RPS6KA1: variants seen among roughly 807,000 people sequenced by gnomAD.
RPS6KA1 encodes ribosomal protein S6 kinase A1, also known as ribosomal protein S6 kinase alpha-1.
In RPS6KA1, 48 loss-of-function variants were observed where a neutral mutation model predicts 91.3. The observed-to-expected ratio is 0.53, with a 90% CI of 0.42 to 0.67. RPS6KA1 has a LOEUF of 0.67. RPS6KA1 is among the 30% of genes least tolerant of loss of function. The pLI is 0.00. For synonymous variants in RPS6KA1, 359 were observed against 384.7 expected (o/e 0.93, Z 0.78); for missense variants, 719 against 960.5 (o/e 0.75, Z 3.32).
chr1:26,571,975 T>A lies in RPS6KA1; in HGVS notation c.1829+50T>A. 5 of 1,538,048 alleles carry A rather than the reference T, an allele frequency of 3.3e-6. No homozygotes were observed. Among genetic ancestry groups the A allele is most frequent in the Non-Finnish European group, 4.5e-6 (5 of 1,117,450 alleles). On this transcript the variant is annotated intron_variant, in intron 19 of 21. Coordinates refer to ENST00000374168, the MANE Select transcript of RPS6KA1 (RefSeq NM_002953.4). The surrounding 1 kb of genome is among the most constrained non-coding windows in gnomAD (Gnocchi z 5.1). The stretch of plus-strand genomic sequence containing the variant: ...TCCCCACTCCTGCAGCCCTAGCACT[T>A]GGGCTGAGTGGTGCTTGTCTGATAG...
intron 1 of RPS6KA1, 27 bp from the exon 2 acceptor site, chr1:26,536,898 T>C: frequency 6.2e-7 from 1 of 1,613,460 alleles, no homozygotes; most frequent in South Asian, 1.1e-5. Context: ...CTGACAGTGC[T>C]CCCCCAATCT....
intron 11 of RPS6KA1, among the ~76,000 whole-genome samples, chr1:26,556,429 C>G (rs2076102154): frequency 1.3e-5 from 2 of 152,196 alleles, no homozygotes; most frequent in African/African-American, 4.8e-5. Flanking sequence ...CTTCCTCCTC[C>G]CACTGGTACA....
chr1:26,559,014 G>A, intron 14 of RPS6KA1, 77 bp downstream of exon 14: 1 of 1,535,906 alleles, frequency 6.5e-7, no homozygotes, highest in Non-Finnish European at 8.8e-7. Flanking sequence ...GAGTTGGACA[G>A]AACCAGGTTC....
rs375269391 is a variant in RPS6KA1, at chr1:26,558,225, G to T, written c.1085-582G>T. Among the ~76,000 whole-genome samples the T allele has an allele frequency of 2.0e-5, 3 of 152,158 alleles. No individual in the cohort carries two copies. The highest frequency in any genetic ancestry group is 1.3e-4 in the Admixed American group (2 of 15,266). ...GGCAAGGCTTCTCAGAGGAGGGAGC[G>T]TGCGAGTTGAGTCTTGAAGGATAGG... On this transcript the variant is annotated intron_variant, in intron 13 of 21. Coordinates refer to ENST00000374168, the MANE Select transcript of RPS6KA1 (RefSeq NM_002953.4). The surrounding 1 kb of genome is among the most constrained non-coding windows in gnomAD (Gnocchi z 4.0).
intron 17 of RPS6KA1, among the ~76,000 whole-genome samples, chr1:26,567,346 G>T (rs150757341): frequency 6.6e-6 from 1 of 152,052 alleles, no homozygotes; most frequent in Non-Finnish European, 1.5e-5. Flanking sequence ...TGCTGCTTTG[G>T]ACAGCATCTG....
At chr1:26,549,148 A>G (rs1454358362) in intron 4 of RPS6KA1, among the ~76,000 whole-genome samples, 1 of 150,666 alleles carries the variant, frequency 6.6e-6, no homozygotes, top group Non-Finnish European at 1.5e-5. Flanking sequence ...CTTTGGGACT[A>G]TGAGGCTGGA....
chr1:26,556,351 G>A (rs1373954955), intron 11 of RPS6KA1, among the ~76,000 whole-genome samples: 2 of 152,214 alleles, frequency 1.3e-5, no homozygotes, highest in Non-Finnish European at 2.9e-5. Context: ...CTCTCTGTAG[G>A]TCTCAGAACA....
At position 26,571,605 on chromosome 1, in the gene RPS6KA1, C is replaced by T. The variant is rs765241589; in HGVS notation, c.1747C>T (p.Pro583Ser). The T allele has an allele frequency of 1.2e-6, 2 of 1,614,020 alleles. No homozygotes were observed. Among genetic ancestry groups the T allele is most frequent in the South Asian group, 2.2e-5 (2 of 91,052 alleles). Residue 583 changes from proline (P) to serine (S), a missense_variant, in exon 18 of 22, where the codon CCT becomes TCT. By Grantham distance (74) the Pro-to-Ser change is moderately conservative (BLOSUM62 -1). Around this residue, in one of 5 missense-constraint regions of RPS6KA1, gnomAD observed 249 missense variants for 323.1 expected, o/e 0.77. Coordinates refer to ENST00000374168, the MANE Select transcript of RPS6KA1 (RefSeq NM_002953.4). This position sits in a 1 kb window ranked among gnomAD's most constrained non-coding sequence, Gnocchi z 5.1. ...TPCYTANFVA[P>S]EVLKRQGYDE... ...TTGCTACACAGCCAACTTTGTGGCG[C>T]CTGAGGTGAGTGGCCCAGCCTCCTC...
intron 2 of RPS6KA1, among the ~76,000 whole-genome samples, chr1:26,543,870 G>A (rs1426780319): frequency 1.3e-5 from 2 of 152,140 alleles, no homozygotes; most frequent in Admixed American, 6.5e-5. Context: ...CAGTTTTTAG[G>A]ATATGATCAG....
intron 17 of RPS6KA1, among the ~76,000 whole-genome samples, chr1:26,562,849 T>G (rs79563204): frequency 4.1e-5 from 6 of 145,246 alleles, no homozygotes; most frequent in African/African-American, 1.3e-4. Flanking sequence ...TTTTTTTTTT[T>G]TTTGGAGATA....
intron 2 of RPS6KA1, among the ~76,000 whole-genome samples, chr1:26,539,577 G>T (rs2075931308): frequency 6.6e-6 from 1 of 152,252 alleles, no homozygotes; most frequent in Non-Finnish European, 1.5e-5. Context: ...CTGGAAAAGA[G>T]AATGTGGTAC....
Position 26,551,268 on chromosome 1 carries a change from C to A in RPS6KA1, c.308-129C>A. 1.3e-6 allele frequency: 1 copy of A among 754,034 alleles called. No individual in the cohort carries two copies. The highest frequency in any genetic ancestry group is 2.3e-6 in the Non-Finnish European group (1 of 441,600). 46.7% of individuals were successfully genotyped at this position (754,034 alleles called of 1,614,324 possible). A position where few individuals can be genotyped will look rare whatever the true frequency, so the allele number is the denominator to read the frequency against. On this transcript the variant is annotated intron_variant, in intron 4 of 21. Coordinates refer to ENST00000374168, the MANE Select transcript of RPS6KA1 (RefSeq NM_002953.4). The surrounding 1 kb of genome is among the most constrained non-coding windows in gnomAD (Gnocchi z 4.5). The stretch of plus-strand genomic sequence containing the variant: ...ACCTGAGGATTGAGTGTCCCCAAAG[C>A]CCTGGGTGAGGGGGCTTTGGGAGCT...
rs764402105 is a variant in RPS6KA1, at chr1:26,561,054, A to G, written c.1351A>G (p.Lys451Glu). ...CACCCCCTTTCTTCAGGTCATTGAT[A>G]AGAGCAAGCGGGATCCTTCAGAAGA... ...NMEYAVKVIDKSKRDPSEEIE... is the reference protein window; with the variant it reads ...NMEYAVKVIDESKRDPSEEIE... The change falls in exon 16 of 22, where the codon AAG (lysine) becomes GAG (glutamate). Residue 451 changes from lysine to glutamate, a missense_variant. Physicochemically the swap from Lys to Glu is moderately conservative, Grantham distance 56. Transcript: ENST00000374168. This position sits in a 1 kb window ranked among gnomAD's most constrained non-coding sequence, Gnocchi z 5.7. 12 of 1,613,856 alleles carry G rather than the reference A, an allele frequency of 7.4e-6. No homozygotes were observed. The highest frequency in any genetic ancestry group is 1.0e-5 in the Non-Finnish European group (12 of 1,179,946).
chr1:26,573,110 G>A (rs2076263784), intron 20 of RPS6KA1, 114 bp from the exon 21 acceptor site: 2 of 1,112,930 alleles, frequency 1.8e-6, no homozygotes, highest in Non-Finnish European at 2.6e-6. Context: ...GATCCCAGGG[G>A]CTGCCGCAAG....
intron 17 of RPS6KA1, among the ~76,000 whole-genome samples, chr1:26,565,608 T>A: frequency 6.6e-6 from 1 of 150,742 alleles, no homozygotes; most frequent in Non-Finnish European, 1.5e-5. Flanking sequence ...TCGCCCAGGC[T>A]GGAGTGCAAT....
intron 11 of RPS6KA1, 77 bp from the exon 12 acceptor site, chr1:26,556,577 T>G: frequency 1.0e-4 from 150 of 1,491,360 alleles, no homozygotes; most frequent in Non-Finnish European, 1.3e-4. Context: ...CAGAGCCCTG[T>G]GAGGCTGCTT....
At chr1:26,530,020 G>A (rs1372923827) in intron 1 of RPS6KA1, 37 bp downstream of exon 1, 3 of 1,293,982 alleles carry the variant, frequency 2.3e-6, no homozygotes, top group African/African-American at 1.6e-5. Context: ...GCCCGCGGCC[G>A]GCGAGCCCGG....
Position 26,561,576 on chromosome 1 carries a change from C to T in RPS6KA1, c.1503C>T (p.Ile501=), listed in dbSNP as rs1234832210. 6.2e-7 allele frequency: 1 copy of T among 1,613,984 alleles called. No individual in the cohort carries two copies. ...LMRGGELLDK[I]LRQKFFSERE... is the part of the protein sequence containing the mutation. Reference sequence around the variant, plus strand: ...GGGGTGGGGAGCTGCTGGACAAGATCCTGCGGCAGAAGTTCTTCTCAGAGC... The same window carrying T: ...GGGGTGGGGAGCTGCTGGACAAGATTCTGCGGCAGAAGTTCTTCTCAGAGC... Residue 501 remains isoleucine, a synonymous_variant, in exon 17 of 22, where the codon ATC becomes ATT. Coordinates refer to ENST00000374168, the MANE Select transcript of RPS6KA1 (RefSeq NM_002953.4). This position sits in a 1 kb window ranked among gnomAD's most constrained non-coding sequence, Gnocchi z 5.7.
intron 17 of RPS6KA1, among the ~76,000 whole-genome samples, chr1:26,565,909 C>G (rs577576876): frequency 6.6e-6 from 1 of 152,138 alleles, no homozygotes; most frequent in Non-Finnish European, 1.5e-5. Flanking sequence ...TCAATGTTGT[C>G]TTTGAGATCC....
Sources: gnomAD v4.1 joint callset for allele counts (sites outside exome capture counted in the v4.1 genomes callset) on GRCh38, gnomAD v4.1.1 for gene constraint, gnomAD v4.1.1 regional missense constraint, Gnocchi (gnomAD v3.1) non-coding constraint, MANE v1.5 for transcripts, NCBI Gene and HGNC (gene_info 2026-07-23, HGNC 2026-07-21) for gene names.